SRGAP3: variants seen among roughly 807,000 people sequenced by gnomAD.
The protein encoded by SRGAP3 is SLIT-ROBO Rho GTPase activating protein 3.
Under a neutral mutation model 121.1 loss-of-function variants are expected in SRGAP3, and 39 were observed. That is an observed-to-expected ratio of 0.32 (90% CI 0.25 to 0.42). The LOEUF is 0.42. Ranked by LOEUF, SRGAP3 falls within the 10% of genes least tolerant of loss-of-function variation. SRGAP3 has a pLI of 1.00. For missense variants in SRGAP3, 1,213 were observed against 1,470.6 expected, an observed-to-expected ratio of 0.82 and a Z score of 2.86; for synonymous variants, 601 against 570.0, an observed-to-expected ratio of 1.05 and a Z score of -0.77.
chr3:9,013,681 C>G lies in SRGAP3; in HGVS notation c.1919+56G>C. ...CATCTGCAAAAGCCTCAAGATACCC[C>G]CTCCCAAAAGAGGCCAGGCCTGAGT... On this transcript the variant is annotated intron_variant, in intron 16 of 21. Transcript: ENST00000383836. The G allele has an allele frequency of 3.1e-6, 5 of 1,592,560 alleles. No individual in the cohort carries two copies. The South Asian group carries it at 4.4e-5, about 14-fold the overall frequency.
chr3:9,261,915 C>T (rs1281303713), intron 3 of SRGAP3, among the ~76,000 whole-genome samples: 1 of 147,324 alleles, frequency 6.8e-6, no homozygotes. Flanking sequence ...TCCTCAGATT[C>T]ACCAAGGTTG....
intron 2 of SRGAP3, among the ~76,000 whole-genome samples, chr3:9,105,057 AC>A (rs1948369654): frequency 6.6e-6 from 1 of 152,210 alleles, no homozygotes; most frequent in South Asian, 2.1e-4. Context: ...CAGGTCTTTG[AC>A]GCCTATGCGG....
At chr3:9,258,870 G>C (rs6787581) in intron 3 of SRGAP3, among the ~76,000 whole-genome samples, 22,265 of 152,084 alleles carry the variant, frequency 0.15, 2,611 homozygotes, top group East Asian at 0.45. Flanking sequence ...TCCTATTTGC[G>C]ATCAACCCTG....
intron 9 of SRGAP3, among the ~76,000 whole-genome samples, chr3:9,050,328 C>T (rs1401155585): frequency 6.6e-6 from 1 of 152,224 alleles, no homozygotes; most frequent in Non-Finnish European, 1.5e-5. Flanking sequence ...TGTCTCACTG[C>T]TCCAAGAAGT....
intron 2 of SRGAP3, among the ~76,000 whole-genome samples, chr3:9,118,700 C>A (rs79211323): frequency 9.9e-5 from 15 of 152,164 alleles, no homozygotes; most frequent in Non-Finnish European, 1.5e-4. Flanking sequence ...GGCCCCCCCC[C>A]CAAGAAGTTC....
intron 2 of SRGAP3, among the ~76,000 whole-genome samples, chr3:9,113,911 T>C (rs946745007): frequency 2.1e-4 from 32 of 152,284 alleles, no homozygotes; most frequent in African/African-American, 5.1e-4. Context: ...ATAAATTACT[T>C]TATAAATATT....
chr3:9,310,883 C>T (rs766230541), intron 3 of SRGAP3, among the ~76,000 whole-genome samples: 3 of 151,946 alleles, frequency 2.0e-5, no homozygotes, highest in Non-Finnish European at 4.4e-5. Flanking sequence ...ATAATATATA[C>T]AGTCGGCCAG....
At position 9,106,093 on chromosome 3, in the gene SRGAP3, A is replaced by C. The variant is rs957035890; in HGVS notation, c.261-1251T>G. ...AACACTGTAAATTCTCAAAATTATA[A>C]GTCAACCCATAGTTAAATTAAGGAC... is the stretch of plus-strand genomic sequence containing the variant. On this transcript the variant is annotated intron_variant, in intron 2 of 21. Coordinates refer to ENST00000383836, the MANE Select transcript of SRGAP3 (RefSeq NM_014850.4). Among the ~76,000 whole-genome samples, 4 of 152,232 alleles carry C rather than the reference A, an allele frequency of 2.6e-5. No individual in the cohort carries two copies. The South Asian group carries it at 8.3e-4, about 32-fold the overall frequency.
At chr3:9,308,099 G>A (rs1367149203) in intron 3 of SRGAP3, among the ~76,000 whole-genome samples, 2 of 152,204 alleles carry the variant, frequency 1.3e-5, no homozygotes, top group Admixed American at 6.5e-5. Context: ...AAGTTACAGT[G>A]AGCTGAGATC....
At chr3:9,211,660 CTTTTCTT>C (rs1952449507) in intron 1 of SRGAP3, among the ~76,000 whole-genome samples, 1 of 135,694 alleles carries the variant, frequency 7.4e-6, no homozygotes, top group Non-Finnish European at 1.6e-5. Flanking sequence ...ACCCATCTTT[CTTTTCTT>C]TTTTTTTTTT....
chr3:8,996,901 C>T (rs1033078705), intron 18 of SRGAP3, among the ~76,000 whole-genome samples: 2 of 152,184 alleles, frequency 1.3e-5, no homozygotes, highest in African/African-American at 4.8e-5. Context: ...CAGAGGGGCA[C>T]AGAGGGGCTG....
At chr3:9,362,478 A>T (rs898784530) in intron 1 of SRGAP3, among the ~76,000 whole-genome samples, 1 of 149,792 alleles carries the variant, frequency 6.7e-6, no homozygotes, top group Non-Finnish European at 1.5e-5. Context: ...TCAACCCTTT[A>T]TGAGAAATAA....
Position 8,983,847 on chromosome 3 carries a change from C to A in SRGAP3, c.*1672G>T. On this transcript the variant is annotated 3_prime_UTR_variant, in exon 22 of 22. Transcript: ENST00000383836. ...CCCTAAGTCAGAAGGCTCCTAAGTG[C>A]TCAGGGCTGGGACTCAGACTCTGGG... 1 of 230,142 alleles carries A rather than the reference C, an allele frequency of 4.3e-6. No individual in the cohort carries two copies. Among genetic ancestry groups the A allele is most frequent in the Non-Finnish European group, 8.6e-6 (1 of 116,174 alleles). The allele number at this position is 230,142 out of a possible 1,614,324, so 14.3% of individuals were successfully genotyped here. A position where few individuals can be genotyped will look rare whatever the true frequency, so the allele number is the denominator to read the frequency against.
rs559587891 is a variant in SRGAP3, at chr3:9,157,836, CAG to C, written c.68-32921_68-32920del. Among the ~76,000 whole-genome samples, 5 of 152,342 alleles carry C rather than the reference CAG, an allele frequency of 3.3e-5. No homozygotes were observed. The East Asian group carries it at 9.6e-4, about 29-fold the overall frequency. On this transcript the variant is annotated intron_variant, in intron 1 of 21. Transcript: ENST00000383836. ...CTGTTAAAATACAAACTGCTACAGT[CAG>C]GGGGACAACTAATGATGTGACACAG... is the stretch of plus-strand genomic sequence containing the variant.
At chr3:9,055,269 C>T (rs1945766614) in intron 8 of SRGAP3, among the ~76,000 whole-genome samples, 2 of 152,186 alleles carry the variant, frequency 1.3e-5, no homozygotes, top group Admixed American at 1.3e-4. Context: ...GCTGTCTCTG[C>T]CCAGGATAGA....
chr3:9,007,975 C>T (rs572646863), intron 18 of SRGAP3: 3 of 152,348 alleles, frequency 2.0e-5, no homozygotes, highest in South Asian at 2.1e-4. Flanking sequence ...CACTAATACA[C>T]ACAGGATACT....
chr3:9,146,072 C>A (rs530864397), intron 1 of SRGAP3, among the ~76,000 whole-genome samples: 2 of 152,304 alleles, frequency 1.3e-5, no homozygotes, highest in South Asian at 4.1e-4. Context: ...AACCTGGTGG[C>A]AGCATAGAGG....
At chr3:9,034,218 G>C (rs1944638979) in intron 11 of SRGAP3, 1 of 152,196 alleles carries the variant, frequency 6.6e-6, no homozygotes. Context: ...GCCTTTTGAA[G>C]GTTAAGAAGA....
At chr3:9,114,227 C>T (rs934592470) in intron 2 of SRGAP3, among the ~76,000 whole-genome samples, 1 of 152,186 alleles carries the variant, frequency 6.6e-6, no homozygotes, top group African/African-American at 2.4e-5. Flanking sequence ...AACGAAGTGA[C>T]GACTACCTCA....
Sources: gnomAD v4.1 joint callset for allele counts (sites outside exome capture counted in the v4.1 genomes callset) on GRCh38, gnomAD v4.1.1 for gene constraint, MANE v1.5 for transcripts, NCBI Gene and HGNC (gene_info 2026-07-23, HGNC 2026-07-21) for gene names.